SH3KBP1: variants seen among roughly 807,000 people sequenced by gnomAD.
SH3KBP1 encodes the protein SH3 domain-containing kinase-binding protein 1.
A neutral mutation model predicts 50.1 loss-of-function variants in SH3KBP1; 8 were observed. That is an observed-to-expected ratio of 0.16 (90% confidence interval 0.09 to 0.29). The LOEUF (loss-of-function observed/expected upper bound fraction) is 0.29. Ranked by LOEUF, SH3KBP1 falls within the 10% of genes least tolerant of loss-of-function variation. The pLI is 1.00. For synonymous variants in SH3KBP1, 227 were observed against 218.6 expected, an observed-to-expected ratio of 1.04 and a Z score of -0.34; for missense variants, 377 against 535.2, an observed-to-expected ratio of 0.70 and a Z score of 2.92.
At chrX:19,638,718 G>A (rs1443644689) in intron 7 of SH3KBP1, among the ~76,000 whole-genome samples, 1 of 111,860 alleles carries the variant, frequency 8.9e-6, no homozygotes, top group Non-Finnish European at 1.9e-5. Flanking sequence ...AGCACTGGGG[G>A]TGGGTGTGCC....
At chrX:19,634,031 GGTGTGTGTGTGTGTGTGTGT>G (rs60109180) in intron 7 of SH3KBP1, among the ~76,000 whole-genome samples, 949 of 32,158 alleles carry the variant, frequency 0.03, 34 homozygotes, top group African/African-American at 0.083. Context: ...TTTGTTCCCT[GGTGTGTGTGTGTGTGTGTGT>G]GTGTGTGTGT....
intron 6 of SH3KBP1, among the ~76,000 whole-genome samples, chrX:19,674,237 C>T (rs2148551734): frequency 9.0e-6 from 1 of 111,490 alleles, no homozygotes; most frequent in East Asian, 2.8e-4. Context: ...CGATGAACCA[C>T]ACCAGATCTG....
At chrX:19,573,860 G>C (rs959130179) in intron 12 of SH3KBP1, among the ~76,000 whole-genome samples, 1 of 111,360 alleles carries the variant, frequency 9.0e-6, no homozygotes, top group Non-Finnish European at 1.9e-5. Flanking sequence ...TTCATCACCC[G>C]TGTGACCTTG....
At chrX:19,659,418 T>C (rs2148474127) in intron 6 of SH3KBP1, among the ~76,000 whole-genome samples, 1 of 104,412 alleles carries the variant, frequency 9.6e-6, no homozygotes, top group East Asian at 2.9e-4. Flanking sequence ...CCCGGCCACA[T>C]GCCCAGCTAA....
chrX:19,659,109 A>ATTT lies in SH3KBP1; in HGVS notation c.727-13637_727-13635dup, dbSNP rs147804094. ...AGATACACACCATCATGCCCAGCTA[A>ATTT]TTTTTTTTTTTTTTTTTTTTTTGAG... On this transcript the variant is annotated intron_variant, in intron 6 of 17. Coordinates refer to ENST00000397821, the MANE Select transcript of SH3KBP1 (RefSeq NM_031892.3). 5.6e-4 allele frequency among the ~76,000 whole-genome samples: 32 copies of ATTT among 57,321 alleles called. 1 individual carries two copies. The highest frequency in any genetic ancestry group is 1.5e-3 in the African/African-American group (27 of 17,578). 49.8% of individuals were successfully genotyped at this position (57,321 alleles called of 115,157 possible). A position where few individuals can be genotyped will look rare whatever the true frequency, so the allele number is the denominator to read the frequency against.
intron 16 of SH3KBP1, among the ~76,000 whole-genome samples, chrX:19,538,395 A>G (rs1231909845): frequency 9.3e-6 from 1 of 107,865 alleles, no homozygotes; most frequent in Non-Finnish European, 1.9e-5. Flanking sequence ...TTTTGTAGAG[A>G]TGGGGGTCTC....
At chrX:19,887,036 G>T (rs2069609343) in intron 1 of SH3KBP1, among the ~76,000 whole-genome samples, 1 of 111,745 alleles carries the variant, frequency 8.9e-6, no homozygotes, top group African/African-American at 3.3e-5. Flanking sequence ...CACACCCCCT[G>T]CATCCCTCAG....
At chrX:19,564,813 G>A (rs2065789514) in intron 13 of SH3KBP1, among the ~76,000 whole-genome samples, 1 of 110,537 alleles carries the variant, frequency 9.0e-6, no homozygotes. Flanking sequence ...GACATTTGGG[G>A]CTGGGTCATT....
intron 3 of SH3KBP1, among the ~76,000 whole-genome samples, chrX:19,735,134 T>C (rs2064510111): frequency 8.9e-6 from 1 of 112,141 alleles, no homozygotes; most frequent in Non-Finnish European, 1.9e-5. Context: ...TTTTAATTTC[T>C]CTTAAGATTG....
chrX:19,679,405 T>TAA (rs200712710), intron 6 of SH3KBP1, among the ~76,000 whole-genome samples: 1 of 110,885 alleles, frequency 9.0e-6, no homozygotes, highest in African/African-American at 3.3e-5. Flanking sequence ...GTAAGATAGG[T>TAA]AAAAAAAAGT....
chrX:19,548,621 C>T (rs1314494095), intron 14 of SH3KBP1, among the ~76,000 whole-genome samples: 1 of 111,699 alleles, frequency 9.0e-6, no homozygotes, highest in Admixed American at 9.5e-5. Flanking sequence ...AACCATACTT[C>T]CAGACTCTAG....
At position 19,591,404 on chromosome X, in the gene SH3KBP1, A is replaced by G. The variant is rs374988907; in HGVS notation, c.1138+663T>C. On this transcript the variant is annotated intron_variant, in intron 11 of 17. Transcript: ENST00000397821. The stretch of plus-strand genomic sequence containing the variant: ...GAATTCTTTGGGAGAGACTCTCAAA[A>G]TGGTAGGAGTCAAACGCGTTCATAA... Among the ~76,000 whole-genome samples, 22 of 111,577 alleles carry G rather than the reference A, an allele frequency of 2.0e-4. No homozygotes were observed. The East Asian group carries it at 4.0e-3, about 20-fold the overall frequency.
intron 14 of SH3KBP1, 31 bp downstream of exon 14, chrX:19,549,943 A>G (rs776781205): frequency 1.3e-5 from 13 of 1,012,302 alleles, no homozygotes; most frequent in Middle Eastern, 2.6e-4. Flanking sequence ...GTAGAGAAGT[A>G]AGGGAACATA....
chrX:19,742,430 T>C (rs781075382), intron 3 of SH3KBP1, among the ~76,000 whole-genome samples: 1 of 111,560 alleles, frequency 9.0e-6, no homozygotes, highest in Admixed American at 9.5e-5. Context: ...TTAATTCAAG[T>C]AGGTAAGAGT....
rs978243494 is a variant in SH3KBP1 at position 19,799,813 on chromosome X, C to G, written c.162+36312G>C. 3.6e-6 allele frequency: 4 copies of G among 1,099,659 alleles called. No individual in the cohort carries two copies. The African/African-American group carries it at 7.5e-5, about 21-fold the overall frequency. 90.6% of individuals were successfully genotyped at this position (1,099,659 alleles called of 1,213,427 possible). ...CAAAATTATTCTAAGCATCCTGTCC[C>G]GTACCCAACCCGCCTGCCCCTCCCA... On this transcript the variant is annotated intron_variant, in intron 2 of 17. Coordinates refer to ENST00000397821, the MANE Select transcript of SH3KBP1 (RefSeq NM_031892.3).
At chrX:19,544,108 C>T (rs1214406549) in intron 15 of SH3KBP1, among the ~76,000 whole-genome samples, 3 of 110,760 alleles carry the variant, frequency 2.7e-5, no homozygotes, top group Non-Finnish European at 3.8e-5. Context: ...TCAGGCTGTG[C>T]TAGAGGGAGA....
chrX:19,864,952 C>T (rs1224168823), intron 1 of SH3KBP1, among the ~76,000 whole-genome samples: 1 of 111,921 alleles, frequency 8.9e-6, no homozygotes, highest in Non-Finnish European at 1.9e-5. Context: ...AACCAGTGCC[C>T]AAGGACTGAA....
intron 4 of SH3KBP1, among the ~76,000 whole-genome samples, chrX:19,704,728 T>A (rs1016783759): frequency 1.8e-5 from 2 of 112,440 alleles, no homozygotes; most frequent in African/African-American, 6.5e-5. Flanking sequence ...ATTGAAAAGC[T>A]CTCAGCTTAG....
At chrX:19,748,268 G>A (rs1039811698) in intron 2 of SH3KBP1, among the ~76,000 whole-genome samples, 3 of 111,872 alleles carry the variant, frequency 2.7e-5, no homozygotes, top group Admixed American at 9.4e-5. Context: ...GGTTGAGGAC[G>A]ACATAGCAAG....
Sources: allele counts gnomAD v4.1 joint callset (sites outside exome capture counted in the v4.1 genomes callset), GRCh38; gene constraint gnomAD v4.1.1; transcripts MANE v1.5; gene names NCBI Gene and HGNC (gene_info 2026-07-23, HGNC 2026-07-21).